Variants in ERI3 observed in about 807,000 individuals in gnomAD.
The protein encoded by ERI3 is ERI1 exoribonuclease family member 3.
A neutral mutation model predicts 44.4 loss-of-function variants in ERI3; 18 were observed. The ratio of observed to expected loss-of-function variants is 0.41; its 90% CI spans 0.28 to 0.60. The LOEUF (loss-of-function observed/expected upper bound fraction) is 0.60, where lower values mean the gene tolerates loss of function less well. Among genes scored for constraint, ERI3 ranks in the 20% least tolerant of loss-of-function variants. The pLI, the probability that ERI3 is intolerant of heterozygous loss-of-function variation, is 0.36. For missense variants in ERI3, 294 were observed against 435.5 expected (o/e 0.68, Z 2.89); for synonymous variants, 183 against 164.8 (o/e 1.11, Z -0.84).
Position 44,221,458 on chromosome 1 carries a change from G to A in ERI3, c.*100C>T. On this transcript the variant is annotated 3_prime_UTR_variant, in exon 9 of 9. Transcript: ENST00000372257. This position sits in a 1 kb window ranked among gnomAD's most constrained non-coding sequence, Gnocchi z 5.9. ...GGCAGCTGGGGACACTCTGGACACA[G>A]AGCTATGCCACTCTCCCTCTTCCCC... 4.0e-6 allele frequency: 4 copies of A among 1,006,170 alleles called. No homozygotes were observed. The highest frequency in any genetic ancestry group is 6.2e-6 in the Non-Finnish European group (4 of 648,968). 62.3% of individuals were successfully genotyped at this position (1,006,170 alleles called of 1,614,324 possible).
intron 3 of ERI3, among the ~76,000 whole-genome samples, chr1:44,320,471 A>G (rs1035535003): frequency 1.3e-5 from 2 of 152,170 alleles, no homozygotes; most frequent in Non-Finnish European, 2.9e-5. Context: ...GCACAGCACC[A>G]AGGTCCTGGT....
chr1:44,354,834 T>C, intron 1 of ERI3, 58 bp downstream of exon 1: 1 of 1,311,752 alleles, frequency 7.6e-7, no homozygotes, highest in Non-Finnish European at 9.8e-7. Context: ...ACCGCGACCC[T>C]CACCCCGCAT....
chr1:44,341,518 T>C (rs1021446581), intron 2 of ERI3, among the ~76,000 whole-genome samples: 3 of 152,160 alleles, frequency 2.0e-5, no homozygotes, highest in East Asian at 1.9e-4. Flanking sequence ...GAGCATACTA[T>C]ATATACCCTA....
intron 2 of ERI3, among the ~76,000 whole-genome samples, chr1:44,342,810 C>CT (rs1646682006): frequency 9.3e-5 from 4 of 42,850 alleles, no homozygotes; most frequent in African/African-American, 3.5e-4. Context: ...CCACATCCAG[C>CT]TAATATATAT....
chr1:44,290,203 A>T (rs1281825913), intron 6 of ERI3, among the ~76,000 whole-genome samples: 1 of 152,192 alleles, frequency 6.6e-6, no homozygotes, highest in Non-Finnish European at 1.5e-5. Context: ...GGACAGGCAC[A>T]TACTGTTCGC....
intron 8 of ERI3, among the ~76,000 whole-genome samples, chr1:44,227,271 G>A (rs753272196): frequency 6.6e-5 from 10 of 152,176 alleles, no homozygotes; most frequent in South Asian, 6.2e-4. Context: ...TGAGGAATGG[G>A]GCAAGAGTCC....
chr1:44,343,726 T>C (rs538536691), intron 2 of ERI3, among the ~76,000 whole-genome samples: 35 of 152,294 alleles, frequency 2.3e-4, no homozygotes, highest in Middle Eastern at 3.4e-3. Flanking sequence ...AAGGTTTATA[T>C]AGAGGTTTTA....
At chr1:44,256,637 G>C (rs558691680) in intron 7 of ERI3, 2 of 152,372 alleles carry the variant, frequency 1.3e-5, no homozygotes, top group African/African-American at 4.8e-5. Flanking sequence ...CCTCCAACAT[G>C]ATGGCTGCCT....
intron 7 of ERI3, among the ~76,000 whole-genome samples, chr1:44,276,481 GTTTT>G (rs1178286812): frequency 4.6e-5 from 7 of 152,088 alleles, no homozygotes; most frequent in Admixed American, 3.3e-4. Flanking sequence ...CATCCTTTCT[GTTTT>G]TTGATTCCTT....
At chr1:44,259,198 T>A (rs996901377) in intron 7 of ERI3, among the ~76,000 whole-genome samples, 2 of 151,982 alleles carry the variant, frequency 1.3e-5, no homozygotes, top group Non-Finnish European at 2.9e-5. Context: ...TAAGCTTTTA[T>A]AATAGGAGAG....
chr1:44,248,914 A>AGCAACC (rs1165850640), intron 7 of ERI3, among the ~76,000 whole-genome samples: 1 of 151,886 alleles, frequency 6.6e-6, no homozygotes, highest in Admixed American at 6.6e-5. Context: ...CCTGGCTGCC[A>AGCAACC]GCAACCTCCA....
chr1:44,350,147 T>C (rs1182817961), intron 2 of ERI3, among the ~76,000 whole-genome samples: 1 of 152,186 alleles, frequency 6.6e-6, no homozygotes, highest in East Asian at 1.9e-4. Flanking sequence ...CCTCTGTGTG[T>C]ACAGTTCAAG....
At chr1:44,248,163 G>A (rs1449884354) in intron 7 of ERI3, 125 bp from the exon 8 acceptor site, 3 of 606,826 alleles carry the variant, frequency 4.9e-6, no homozygotes, top group African/African-American at 1.9e-5. Flanking sequence ...GCCATCTCGT[G>A]AGAGTCCCTT....
intron 8 of ERI3, among the ~76,000 whole-genome samples, chr1:44,245,786 T>C (rs1357385242): frequency 2.6e-5 from 4 of 152,162 alleles, no homozygotes; most frequent in East Asian, 1.9e-4. Flanking sequence ...CACCCTGGGA[T>C]AGATGATAGA....
intron 8 of ERI3, among the ~76,000 whole-genome samples, chr1:44,233,323 G>A (rs1290792869): frequency 6.6e-6 from 1 of 151,416 alleles, no homozygotes; most frequent in Non-Finnish European, 1.5e-5. Flanking sequence ...TACTCCACAG[G>A]AGCCACACAG....
At chr1:44,334,102 G>C (rs1646484639) in intron 3 of ERI3, among the ~76,000 whole-genome samples, 1 of 152,368 alleles carries the variant, frequency 6.6e-6, no homozygotes, top group African/African-American at 2.4e-5. Context: ...CGGATGGCCA[G>C]AGGACTTGGG....
At position 44,319,652 on chromosome 1, in the gene ERI3, T is replaced by C; in HGVS notation, c.582A>G (p.Pro194=). 1 of 1,613,932 alleles carries C rather than the reference T, an allele frequency of 6.2e-7. No homozygotes were observed. Among genetic ancestry groups the C allele is most frequent in the Non-Finnish European group, 8.5e-7 (1 of 1,179,832 alleles). The stretch of plus-strand genomic sequence containing the variant: ...CCTCTGTACAGAATGGGGTAAGCTG[T>C]GGATGGACTACAGGCTGGACATACA... ...FHMYVQPVVH[P]QLTPFCTELT... is the part of the protein sequence containing the mutation. Residue 194 remains proline, a synonymous_variant, in exon 4 of 9, where the codon CCA becomes CCG. Coordinates refer to ENST00000372257, the MANE Select transcript of ERI3 (RefSeq NM_024066.3).
At chr1:44,260,803 C>T (rs1397158676) in intron 7 of ERI3, among the ~76,000 whole-genome samples, 1 of 141,822 alleles carries the variant, frequency 7.1e-6, no homozygotes, top group Admixed American at 7.3e-5. Flanking sequence ...ACTATATTTC[C>T]CCACCTGGAA....
At chr1:44,274,371 A>C (rs1054975244) in intron 7 of ERI3, among the ~76,000 whole-genome samples, 4 of 152,254 alleles carry the variant, frequency 2.6e-5, no homozygotes, top group African/African-American at 7.2e-5. Flanking sequence ...TTAATATTCC[A>C]AAACCTGGTA....
Sources: allele counts gnomAD v4.1 joint callset (sites outside exome capture counted in the v4.1 genomes callset), GRCh38; gene constraint gnomAD v4.1.1; non-coding constraint Gnocchi (gnomAD v3.1); transcripts MANE v1.5; gene names NCBI Gene and HGNC (gene_info 2026-07-23, HGNC 2026-07-21).